The following MYCBP2 variants were observed in gnomAD, a reference collection of about 807,000 sequenced individuals.
The protein encoded by MYCBP2 is E3 ubiquitin-protein ligase MYCBP2.
MYCBP2 carries 120 observed loss-of-function variants against 525.3 expected under a neutral mutation model. The ratio of observed to expected loss-of-function variants is 0.23; its 90% CI spans 0.20 to 0.27. The LOEUF is 0.27. MYCBP2 is among the 10% of genes least tolerant of loss of function. The pLI is 1.00. For missense variants in MYCBP2, 4,149 were observed against 5,657.1 expected (o/e 0.73, Z 8.55); for synonymous variants, 1,894 against 1,955.8 (o/e 0.97, Z 0.83).
chr13:77,313,222 T>C (rs1033035867), intron 1 of MYCBP2, among the ~76,000 whole-genome samples: 3 of 152,040 alleles, frequency 2.0e-5, no homozygotes, highest in African/African-American at 7.2e-5. Context: ...ACAGCCCAGA[T>C]AAAAATTCAT....
intron 4 of MYCBP2, among the ~76,000 whole-genome samples, chr13:77,275,857 G>A (rs1208374716): frequency 6.6e-6 from 1 of 152,042 alleles, no homozygotes; most frequent in African/African-American, 2.4e-5. Flanking sequence ...TGTGGAACGC[G>A]CCTGTAGTCC....
Position 77,180,456 on chromosome 13 carries a change from A to G in MYCBP2, c.4942-138T>C, listed in dbSNP as rs77037763. ...TCAATTTCTACAAATCTTTCTGGTT[A>G]TATGTGGAGCCACTTTTCACTTAGA... On this transcript the variant is annotated intron_variant, in intron 33 of 82. Coordinates refer to ENST00000544440, the MANE Select transcript of MYCBP2 (RefSeq NM_015057.5). The G allele has an allele frequency of 3.8e-3, 2,685 of 700,974 alleles. 58 individuals are homozygous for G. The African/African-American group carries it at 0.043, about 11-fold the overall frequency. The allele number at this position is 700,974 out of a possible 1,614,324, so 43.4% of individuals were successfully genotyped here. A position where few individuals can be genotyped will look rare whatever the true frequency, so the allele number is the denominator to read the frequency against.
intron 15 of MYCBP2, among the ~76,000 whole-genome samples, chr13:77,245,536 C>T (rs937731993): frequency 1.4e-5 from 2 of 144,936 alleles, no homozygotes; most frequent in Non-Finnish European, 1.5e-5. Flanking sequence ...TGTTCTCACT[C>T]ATAAGTGGGA....
chr13:77,176,279 C>T lies in MYCBP2; in HGVS notation c.5472+218G>A, dbSNP rs1006430785. Among the ~76,000 whole-genome samples, 3 of 152,000 alleles carry T rather than the reference C, an allele frequency of 2.0e-5. No individual in the cohort carries two copies. In the South Asian group the frequency reaches 6.2e-4, roughly 32 times the overall value. On this transcript the variant is annotated intron_variant, in intron 36 of 82. Coordinates refer to ENST00000544440, the MANE Select transcript of MYCBP2 (RefSeq NM_015057.5). ...CTAAGTCTGTTTGACTACAAAACTT[C>T]CTACTACTCCTGACTTTAAGAAACA... is the stretch of plus-strand genomic sequence containing the variant.
At chr13:77,306,339 G>A (rs147226003) in intron 1 of MYCBP2, among the ~76,000 whole-genome samples, 77 of 152,240 alleles carry the variant, frequency 5.1e-4, no homozygotes, top group African/African-American at 1.9e-3. Flanking sequence ...TCATTACTAA[G>A]TAGAAAACTT....
intron 1 of MYCBP2, among the ~76,000 whole-genome samples, chr13:77,315,269 G>A (rs1230716013): frequency 6.6e-6 from 1 of 152,140 alleles, no homozygotes; most frequent in Non-Finnish European, 1.5e-5. Context: ...GTAGGACTGG[G>A]TAGGGTAGGA....
rs769344773 is a variant in MYCBP2 at position 77,270,049 on chromosome 13, A to G, written c.1203T>C (p.Asn401=). 2 of 1,611,708 alleles carry G rather than the reference A, an allele frequency of 1.2e-6. No individual in the cohort carries two copies. The highest frequency in any genetic ancestry group is 1.7e-6 in the Non-Finnish European group (2 of 1,179,180). ...YSGTVRGHIY[N]STSRIRNRKE... is the part of the protein sequence containing the mutation. ...TTCTGTTTCTAATACGGGATGTAGA[A>G]TTGTATATATGGCCCTGCAAAAAAA... The change falls in exon 7 of 83, where the codon AAT becomes AAC. Residue 401 remains asparagine (N), a synonymous_variant. Coordinates refer to ENST00000544440, the MANE Select transcript of MYCBP2 (RefSeq NM_015057.5).
intron 70 of MYCBP2, 132 bp from the exon 71 acceptor site, chr13:77,067,996 C>G: frequency 1.3e-6 from 1 of 790,066 alleles, no homozygotes; most frequent in Non-Finnish European, 1.9e-6. Flanking sequence ...GGAGCAACCA[C>G]AGCTCACTGC....
chr13:77,260,686 T>C (rs1391850225), intron 12 of MYCBP2, 94 bp from the exon 13 acceptor site: 2 of 1,123,662 alleles, frequency 1.8e-6, no homozygotes, highest in Non-Finnish European at 1.2e-6. Context: ...ACCCATATTA[T>C]TTGCATTTAT....
At chr13:77,299,748 A>T (rs1567197577) in intron 1 of MYCBP2, among the ~76,000 whole-genome samples, 1 of 152,214 alleles carries the variant, frequency 6.6e-6, no homozygotes, top group Non-Finnish European at 1.5e-5. Flanking sequence ...AGCTTAATGA[A>T]GAATGTCTGG....
intron 55 of MYCBP2, chr13:77,118,476 T>C: frequency 1.3e-6 from 1 of 764,994 alleles, no homozygotes; most frequent in Non-Finnish European, 2.4e-6. Context: ...TGGAATTCAA[T>C]ATGGCACTCA....
intron 52 of MYCBP2, among the ~76,000 whole-genome samples, chr13:77,134,812 T>C (rs1212622239): frequency 6.6e-6 from 1 of 152,194 alleles, no homozygotes; most frequent in Non-Finnish European, 1.5e-5. Flanking sequence ...AATTAGGATA[T>C]GAATATTTTT....
chr13:77,068,940 A>C, intron 69 of MYCBP2, 109 bp from the exon 70 acceptor site: 3 of 1,039,382 alleles, frequency 2.9e-6, no homozygotes, highest in Non-Finnish European at 4.2e-6. Context: ...ATTGATACTC[A>C]ATTTAATACT....
At chr13:77,109,114 T>C (rs1442656498) in intron 55 of MYCBP2, among the ~76,000 whole-genome samples, 1 of 152,200 alleles carries the variant, frequency 6.6e-6, no homozygotes, top group Admixed American at 6.5e-5. Context: ...TTCCATTGTT[T>C]CCTTTATTCT....
intron 3 of MYCBP2, among the ~76,000 whole-genome samples, chr13:77,284,005 T>C (rs1339881092): frequency 6.6e-6 from 1 of 152,146 alleles, no homozygotes; most frequent in Non-Finnish European, 1.5e-5. Flanking sequence ...AAAAACTTAA[T>C]GTAGAAGCAT....
chr13:77,300,852 A>T (rs925288223), intron 1 of MYCBP2, among the ~76,000 whole-genome samples: 9 of 152,194 alleles, frequency 5.9e-5, no homozygotes, highest in Admixed American at 5.9e-4. Context: ...AGAACAAAAA[A>T]TCCAGAGGTG....
At chr13:77,233,115 T>G in intron 18 of MYCBP2, 41 bp downstream of exon 18, 1 of 1,539,068 alleles carries the variant, frequency 6.5e-7, no homozygotes, top group African/African-American at 1.4e-5. Context: ...TGGAAGAAAT[T>G]GGGAAAGTAT....
At chr13:77,244,084 A>G (rs1645909392) in intron 15 of MYCBP2, 133 bp from the exon 16 acceptor site, 1 of 973,042 alleles carries the variant, frequency 1.0e-6, no homozygotes, top group African/African-American at 1.7e-5. Flanking sequence ...TCACCTCTTT[A>G]GATCACGATT....
At chr13:77,080,015 C>T (rs554046060) in intron 65 of MYCBP2, among the ~76,000 whole-genome samples, 1 of 152,224 alleles carries the variant, frequency 6.6e-6, no homozygotes, top group Admixed American at 6.5e-5. Flanking sequence ...AGAGTATGTC[C>T]TTGCTTAAAA....
Sources: allele counts gnomAD v4.1 joint callset (sites outside exome capture counted in the v4.1 genomes callset), GRCh38; gene constraint gnomAD v4.1.1; transcripts MANE v1.5; gene names NCBI Gene and HGNC (gene_info 2026-07-23, HGNC 2026-07-21).